The following PRLR variants were observed in gnomAD, a reference collection of about 807,000 sequenced individuals.
PRLR encodes the protein prolactin receptor.
In PRLR, 13 loss-of-function variants were observed where a neutral mutation model predicts 40.2. The ratio of observed to expected loss-of-function variants is 0.32; its 90% CI spans 0.21 to 0.51. The LOEUF is 0.51. Ranked by LOEUF, PRLR falls within the 20% of genes least tolerant of loss-of-function variation. PRLR has a pLI of 0.97. For synonymous variants in PRLR, 269 were observed against 278.7 expected (o/e 0.97, Z 0.35); for missense variants, 656 against 747.3 (o/e 0.88, Z 1.42).
intron 1 of PRLR, among the ~76,000 whole-genome samples, chr5:35,213,542 A>G (rs965340825): frequency 1.3e-5 from 2 of 152,062 alleles, no homozygotes; most frequent in Non-Finnish European, 2.9e-5. Context: ...TTAAATTCTT[A>G]TTACACACTT....
At chr5:35,156,545 T>C (rs1438403594) in intron 1 of PRLR, among the ~76,000 whole-genome samples, 2 of 152,208 alleles carry the variant, frequency 1.3e-5, no homozygotes, top group Non-Finnish European at 2.9e-5. Context: ...AATCACCTCC[T>C]ACCAACACTT....
intron 2 of PRLR, among the ~76,000 whole-genome samples, chr5:35,096,809 C>T (rs1771560204): frequency 6.6e-6 from 1 of 152,126 alleles, no homozygotes; most frequent in South Asian, 2.1e-4. Context: ...TCAGTAGAGA[C>T]GGGCTTTACC....
intron 2 of PRLR, among the ~76,000 whole-genome samples, chr5:35,109,773 T>G (rs1203235631): frequency 6.6e-6 from 1 of 152,212 alleles, no homozygotes; most frequent in African/African-American, 2.4e-5. Context: ...TTGGTGGGAC[T>G]GTAAACTAGT....
chr5:35,196,195 C>T (rs1231231473), intron 1 of PRLR, among the ~76,000 whole-genome samples: 3 of 152,170 alleles, frequency 2.0e-5, no homozygotes, highest in Admixed American at 6.5e-5. Context: ...ACCTGCACTC[C>T]ATGAAAGGCC....
At chr5:35,138,989 G>A (rs992642284) in intron 1 of PRLR, among the ~76,000 whole-genome samples, 19 of 151,780 alleles carry the variant, frequency 1.3e-4, no homozygotes, top group African/African-American at 4.1e-4. Context: ...TTGGTCAAAA[G>A]GTACAAAAAA....
At chr5:35,145,869 T>C (rs182348895) in intron 1 of PRLR, among the ~76,000 whole-genome samples, 106 of 152,312 alleles carry the variant, frequency 7.0e-4, no homozygotes, top group Admixed American at 5.4e-3. Context: ...CTCAGGCAAT[T>C]GGAGTTTTTC....
At chr5:35,176,769 G>C (rs1462964056) in intron 1 of PRLR, among the ~76,000 whole-genome samples, 27 of 150,828 alleles carry the variant, frequency 1.8e-4, no homozygotes, top group South Asian at 2.1e-4. Flanking sequence ...CTCGTGGGAA[G>C]GGAAAGACCT....
intron 1 of PRLR, among the ~76,000 whole-genome samples, chr5:35,170,260 G>T (rs1387811153): frequency 6.6e-6 from 1 of 152,146 alleles, no homozygotes; most frequent in Non-Finnish European, 1.5e-5. Flanking sequence ...TGATCCTGCT[G>T]GTGGAAATAT....
intron 1 of PRLR, among the ~76,000 whole-genome samples, chr5:35,176,740 T>G (rs1267133762): frequency 3.8e-4 from 57 of 150,454 alleles, no homozygotes; most frequent in South Asian, 1.1e-3. Flanking sequence ...TCTCCCCATG[T>G]GATAGTCTGA....
chr5:35,087,804 C>G (rs1382709212), intron 3 of PRLR, among the ~76,000 whole-genome samples: 1 of 152,104 alleles, frequency 6.6e-6, no homozygotes, highest in South Asian at 2.1e-4. Flanking sequence ...ACAGCAGAGC[C>G]CTGGGAATTT....
chr5:35,203,007 C>A (rs1314288458), intron 1 of PRLR, among the ~76,000 whole-genome samples: 3 of 152,110 alleles, frequency 2.0e-5, no homozygotes, highest in Non-Finnish European at 4.4e-5. Context: ...TGGCCTTGTT[C>A]TTAGACAGGT....
At chr5:35,053,758 T>G (rs1219785719), downstream of PRLR, among the ~76,000 whole-genome samples, 4 of 152,170 alleles carry the variant, frequency 2.6e-5, no homozygotes, top group Non-Finnish European at 4.4e-5. Context: ...AAACATAAAT[T>G]CAATCTAGCT....
chr5:35,155,528 C>A (rs1774466557), intron 1 of PRLR, among the ~76,000 whole-genome samples: 1 of 152,128 alleles, frequency 6.6e-6, no homozygotes. Flanking sequence ...ATTATAATAC[C>A]CTTGTAAAAC....
At chr5:35,122,456 T>G (rs1257386193) in intron 1 of PRLR, among the ~76,000 whole-genome samples, 1 of 152,194 alleles carries the variant, frequency 6.6e-6, no homozygotes, top group African/African-American at 2.4e-5. Flanking sequence ...TATGTGTCCA[T>G]GTGTTCTCAT....
intron 1 of PRLR, among the ~76,000 whole-genome samples, chr5:35,148,267 C>T (rs770008032): frequency 9.9e-5 from 15 of 152,108 alleles, no homozygotes; most frequent in Non-Finnish European, 1.9e-4. Context: ...TTATTCCATA[C>T]AAACCAACAA....
chr5:35,203,374 T>C (rs1268238559), intron 1 of PRLR, among the ~76,000 whole-genome samples: 1 of 152,130 alleles, frequency 6.6e-6, no homozygotes, highest in Non-Finnish European at 1.5e-5. Context: ...CAGCAGAACA[T>C]TGTGTTGAGT....
intron 5 of PRLR, among the ~76,000 whole-genome samples, chr5:35,080,760 C>T (rs1770457204): frequency 6.6e-6 from 1 of 152,038 alleles, no homozygotes; most frequent in Admixed American, 6.6e-5. Context: ...TATTGCGGCA[C>T]TATTCACAAT....
At chr5:35,165,852 T>C (rs1457387887) in intron 1 of PRLR, among the ~76,000 whole-genome samples, 1 of 152,210 alleles carries the variant, frequency 6.6e-6, no homozygotes. Context: ...CAGAACTGAA[T>C]TCTGCTGGTG....
At chr5:35,079,290 A>T (rs1220710159) in intron 5 of PRLR, among the ~76,000 whole-genome samples, 1 of 152,204 alleles carries the variant, frequency 6.6e-6, no homozygotes. Flanking sequence ...AGATGACATG[A>T]TTGTACGTTT....
Sources: gnomAD v4.1 joint callset for allele counts (sites outside exome capture counted in the v4.1 genomes callset) on GRCh38, gnomAD v4.1.1 for gene constraint, MANE v1.5 for transcripts, NCBI Gene and HGNC (gene_info 2026-07-23, HGNC 2026-07-21) for gene names.